GHR: variants seen among roughly 807,000 people sequenced by gnomAD.
The protein encoded by GHR is GH receptor.
A neutral mutation model predicts 67.1 loss-of-function variants in GHR; 35 were observed. The observed-to-expected ratio is 0.52, with a 90% CI of 0.40 to 0.69. The LOEUF is 0.69. Among genes scored for constraint, GHR ranks in the 30% least tolerant of loss-of-function variants. The pLI is 0.00. For synonymous variants in GHR, 272 were observed against 269.1 expected (o/e 1.01, Z -0.10); for missense variants, 792 against 764.6 (o/e 1.04, Z -0.42).
At chr5:42,555,788 G>T (rs1310073347) in intron 1 of GHR, among the ~76,000 whole-genome samples, 1 of 152,180 alleles carries the variant, frequency 6.6e-6, no homozygotes, top group African/African-American at 2.4e-5. Context: ...CACAGCTACT[G>T]CTTCCAGCTA....
intron 6 of GHR, among the ~76,000 whole-genome samples, chr5:42,706,727 C>G (rs6890032): frequency 3.3e-5 from 5 of 152,134 alleles, no homozygotes; most frequent in East Asian, 1.9e-4. Context: ...GTTCTCTGTT[C>G]TGTTCCATTG....
At chr5:42,672,391 A>G (rs1305967388) in intron 3 of GHR, among the ~76,000 whole-genome samples, 1 of 152,220 alleles carries the variant, frequency 6.6e-6, no homozygotes, top group East Asian at 1.9e-4. Context: ...AATCCCATTT[A>G]CAGTAGCCAC....
chr5:42,450,410 C>T (rs1488555811), intron 1 of GHR, among the ~76,000 whole-genome samples: 3 of 152,108 alleles, frequency 2.0e-5, no homozygotes, highest in Non-Finnish European at 4.4e-5. Context: ...AGTTTGTGTG[C>T]ATATAGGTGT....
intron 1 of GHR, among the ~76,000 whole-genome samples, chr5:42,447,000 T>C (rs926567296): frequency 1.6e-4 from 24 of 152,224 alleles, no homozygotes; most frequent in African/African-American, 4.8e-4. Flanking sequence ...ACGAATAGAG[T>C]TGTATTTTCC....
At chr5:42,439,709 T>TA (rs1743486706) in intron 1 of GHR, among the ~76,000 whole-genome samples, 1 of 152,216 alleles carries the variant, frequency 6.6e-6, no homozygotes, top group African/African-American at 2.4e-5. Flanking sequence ...ACTTGTCTTT[T>TA]AAAAAATATG....
rs7721474 is a variant in GHR, at chr5:42,599,333, G to A, written c.71-29705G>A. ...ATCCGTGAGCCAAATCTAGCTCATGGGCATGTTGTTTGGCCTACAGCACAT... is the reference window on the plus strand; with the variant it reads ...ATCCGTGAGCCAAATCTAGCTCATGAGCATGTTGTTTGGCCTACAGCACAT... On this transcript the variant is annotated intron_variant, in intron 2 of 9. Transcript: ENST00000230882. Among the ~76,000 whole-genome samples the A allele has an allele frequency of 5.8e-4, 88 of 151,480 alleles. 1 individual carries two copies. The highest frequency in any genetic ancestry group is 2.1e-3 in the African/African-American group (85 of 41,122).
intron 2 of GHR, among the ~76,000 whole-genome samples, chr5:42,618,803 C>G (rs1220283664): frequency 1.3e-5 from 2 of 151,946 alleles, no homozygotes; most frequent in Non-Finnish European, 2.9e-5. Context: ...CTGGAGAAAG[C>G]AAGGATAATG....
At chr5:42,594,733 A>T (rs970657259) in intron 2 of GHR, among the ~76,000 whole-genome samples, 1 of 152,034 alleles carries the variant, frequency 6.6e-6, no homozygotes, top group African/African-American at 2.4e-5. Flanking sequence ...TGGGTCCTTT[A>T]TATATTCTTA....
At chr5:42,665,529 A>C (rs1292219858) in intron 3 of GHR, among the ~76,000 whole-genome samples, 1 of 151,914 alleles carries the variant, frequency 6.6e-6, no homozygotes, top group East Asian at 1.9e-4. Flanking sequence ...TCTCACTCAT[A>C]GGTGGGAATT....
chr5:42,681,982 C>T (rs1022611796), intron 3 of GHR, among the ~76,000 whole-genome samples: 8 of 149,376 alleles, frequency 5.4e-5, no homozygotes, highest in South Asian at 2.1e-4. Context: ...ACGTTTACTG[C>T]AGCACTATTC....
At chr5:42,460,039 T>C (rs1744421833) in intron 1 of GHR, among the ~76,000 whole-genome samples, 1 of 152,160 alleles carries the variant, frequency 6.6e-6, no homozygotes, top group Non-Finnish European at 1.5e-5. Flanking sequence ...AAAAGTTAAA[T>C]GAATTCTTAA....
chr5:42,550,846 G>A (rs1387819103), intron 1 of GHR, among the ~76,000 whole-genome samples: 2 of 152,102 alleles, frequency 1.3e-5, no homozygotes, highest in Non-Finnish European at 2.9e-5. Flanking sequence ...ATGTCGTTGG[G>A]ACCTTCCATA....
rs540127528 is a variant in GHR at position 42,541,383 on chromosome 5, C to T, written c.-11-24481C>T. 2.0e-5 allele frequency among the ~76,000 whole-genome samples: 3 copies of T among 152,056 alleles called. No homozygotes were observed. The East Asian group carries it at 5.8e-4, about 29-fold the overall frequency. ...GGGAATAGCATATACTATTTGGGAT[C>T]TTCAAGGAACATCAAAGAGGCCAGT... On this transcript the variant is annotated intron_variant, in intron 1 of 9. Coordinates refer to ENST00000230882, the MANE Select transcript of GHR (RefSeq NM_000163.5).
At chr5:42,655,515 T>A (rs1395890408) in intron 3 of GHR, among the ~76,000 whole-genome samples, 1 of 152,200 alleles carries the variant, frequency 6.6e-6, no homozygotes. Context: ...TATTCATTCA[T>A]GTATGACGGG....
At chr5:42,522,325 A>G (rs1747513264) in intron 1 of GHR, among the ~76,000 whole-genome samples, 1 of 152,190 alleles carries the variant, frequency 6.6e-6, no homozygotes, top group Admixed American at 6.5e-5. Flanking sequence ...TACCAGAAGA[A>G]ATGGCTTTGG....
intron 1 of GHR, among the ~76,000 whole-genome samples, chr5:42,564,156 A>C (rs1351138308): frequency 6.8e-6 from 1 of 146,772 alleles, no homozygotes; most frequent in South Asian, 2.1e-4. Flanking sequence ...AAATCTCACA[A>C]AGTGTGAGAT....
intron 1 of GHR, chr5:42,467,315 T>G: frequency 9.1e-7 from 1 of 1,097,190 alleles, no homozygotes; most frequent in South Asian, 1.2e-5. Context: ...TTCTCACCAG[T>G]ATGGCTTCGC....
chr5:42,677,290 G>A (rs779262850), intron 3 of GHR, among the ~76,000 whole-genome samples: 4 of 152,082 alleles, frequency 2.6e-5, no homozygotes, highest in East Asian at 1.9e-4. Flanking sequence ...CAGGTCACTA[G>A]GGAAAAGTAT....
At chr5:42,693,397 C>A (rs1757513196) in intron 4 of GHR, among the ~76,000 whole-genome samples, 1 of 151,984 alleles carries the variant, frequency 6.6e-6, no homozygotes, top group Admixed American at 6.6e-5. Context: ...CCTCAGCCTC[C>A]GAAAGTGCTG....
Sources: allele counts gnomAD v4.1 joint callset (sites outside exome capture counted in the v4.1 genomes callset), GRCh38; gene constraint gnomAD v4.1.1; transcripts MANE v1.5; gene names NCBI Gene and HGNC (gene_info 2026-07-23, HGNC 2026-07-21).